Variants in IMMP2L observed in about 807,000 individuals in gnomAD.
The protein encoded by IMMP2L is inner mitochondrial membrane peptidase subunit 2.
A neutral mutation model predicts 19.3 loss-of-function variants in IMMP2L; 18 were observed. That is an observed-to-expected ratio of 0.93 (90% CI 0.64 to 1.38). The LOEUF (loss-of-function observed/expected upper bound fraction) is 1.38. Among genes scored for constraint, IMMP2L ranks in the 40% most tolerant of loss-of-function variants. The pLI, the probability that IMMP2L is intolerant of heterozygous loss-of-function variation, is 0.00. For missense variants in IMMP2L, 233 were observed against 218.2 expected, an observed-to-expected ratio of 1.07 and a Z score of -0.43; for synonymous variants, 76 against 73.0, an observed-to-expected ratio of 1.04 and a Z score of -0.21.
Position 111,521,354 on chromosome 7 carries a change from G to A in IMMP2L, c.94C>T (p.Arg32Trp), listed in dbSNP as rs200230478. 1.4e-5 allele frequency: 22 copies of A among 1,613,134 alleles called. No homozygotes were observed. Among genetic ancestry groups the A allele is most frequent in the Admixed American group, 5.0e-5 (3 of 59,920 alleles). ...TCTACTCTTGCCACACAGGCGACCC[G>A]ATCCAAGAAAGTCACTGCCACAGGC... Reference protein sequence around the residue: ...AVPVAVTFLDRVACVARVEGA... With the variant: ...AVPVAVTFLDWVACVARVEGA... Residue 32 changes from arginine to tryptophan, a missense_variant, in exon 2 of 6, where the codon CGG (arginine) becomes TGG (tryptophan). Physicochemically the swap from Arg to Trp is moderately radical, Grantham distance 101. Coordinates refer to ENST00000405709, the MANE Select transcript of IMMP2L (RefSeq NM_032549.4).
chr7:111,313,438 A>G (rs116107520), intron 3 of IMMP2L, among the ~76,000 whole-genome samples: 1,620 of 152,246 alleles, frequency 0.011, 30 homozygotes, highest in African/African-American at 0.036. Flanking sequence ...AAACCAAACA[A>G]TAATGGAAAA....
At chr7:110,784,264 TCTGC>T (rs1799927833) in intron 5 of IMMP2L, among the ~76,000 whole-genome samples, 1 of 151,940 alleles carries the variant, frequency 6.6e-6, no homozygotes, top group Non-Finnish European at 1.5e-5. Flanking sequence ...AATGCATCTG[TCTGC>T]ATGGTCTCAA....
chr7:110,719,127 G>A (rs976068579), intron 5 of IMMP2L, among the ~76,000 whole-genome samples: 2 of 152,156 alleles, frequency 1.3e-5, no homozygotes, highest in African/African-American at 4.8e-5. Context: ...AAGTTAAGGT[G>A]AGAGATTCAA....
intron 3 of IMMP2L, among the ~76,000 whole-genome samples, chr7:110,989,869 T>C (rs1052096902): frequency 3.3e-5 from 5 of 151,954 alleles, no homozygotes; most frequent in South Asian, 2.1e-4. Flanking sequence ...CCTACTTTTA[T>C]TGGAATATAT....
At chr7:111,031,381 G>GTT (rs1554496353) in intron 3 of IMMP2L, among the ~76,000 whole-genome samples, 1 of 72,592 alleles carries the variant, frequency 1.4e-5, no homozygotes, top group Non-Finnish European at 2.9e-5. Context: ...GGGGTGTAGG[G>GTT]GTGTGTGTGT....
chr7:111,436,969 C>T (rs891100044), intron 3 of IMMP2L, among the ~76,000 whole-genome samples: 1 of 151,832 alleles, frequency 6.6e-6, no homozygotes, highest in South Asian at 2.1e-4. Context: ...AGAACTCACT[C>T]ATTATCATGA....
At chr7:111,164,208 G>A (rs1455047451) in intron 3 of IMMP2L, among the ~76,000 whole-genome samples, 1 of 151,910 alleles carries the variant, frequency 6.6e-6, no homozygotes, top group Non-Finnish European at 1.5e-5. Flanking sequence ...AGGCAGGCAA[G>A]AAGACAGGCC....
chr7:111,470,188 C>T (rs547627687), intron 3 of IMMP2L, among the ~76,000 whole-genome samples: 4 of 152,260 alleles, frequency 2.6e-5, no homozygotes, highest in Admixed American at 2.0e-4. Flanking sequence ...CCATCTCACA[C>T]CAGTTAAAAT....
chr7:111,140,793 G>A (rs1303794184), intron 3 of IMMP2L, among the ~76,000 whole-genome samples: 5 of 152,128 alleles, frequency 3.3e-5, no homozygotes, highest in African/African-American at 4.8e-5. Flanking sequence ...AAGACTGTTC[G>A]GCCATTTAAG....
At chr7:110,987,257 T>C (rs1240597685) in intron 3 of IMMP2L, among the ~76,000 whole-genome samples, 2 of 152,184 alleles carry the variant, frequency 1.3e-5, no homozygotes, top group African/African-American at 4.8e-5. Context: ...TTCTCACAAA[T>C]GCAAGTGTTC....
chr7:111,082,735 T>A (rs2129576623), intron 3 of IMMP2L, among the ~76,000 whole-genome samples: 1 of 152,042 alleles, frequency 6.6e-6, no homozygotes, highest in African/African-American at 2.4e-5. Context: ...ATTGCATTTC[T>A]AATCAAATGT....
At chr7:111,404,206 T>C (rs187287150) in intron 3 of IMMP2L, among the ~76,000 whole-genome samples, 2 of 152,110 alleles carry the variant, frequency 1.3e-5, no homozygotes, top group Non-Finnish European at 2.9e-5. Flanking sequence ...ATAACTAGCA[T>C]ACAAAGAATT....
chr7:111,032,593 G>A (rs1170537605), intron 3 of IMMP2L, among the ~76,000 whole-genome samples: 1 of 152,112 alleles, frequency 6.6e-6, no homozygotes, highest in Non-Finnish European at 1.5e-5. Context: ...TGGTCAAGGT[G>A]GGCAGATCAC....
intron 3 of IMMP2L, among the ~76,000 whole-genome samples, chr7:111,395,657 T>C (rs190582216): frequency 2.0e-5 from 3 of 152,306 alleles, no homozygotes; most frequent in Non-Finnish European, 2.9e-5. Flanking sequence ...AGTAAGTTAA[T>C]TGAAAGCATA....
chr7:111,283,158 A>C (rs141730841), intron 3 of IMMP2L, among the ~76,000 whole-genome samples: 40 of 152,352 alleles, frequency 2.6e-4, no homozygotes, highest in African/African-American at 8.2e-4. Flanking sequence ...CATCAATAAC[A>C]GGAAAAATGT....
intron 4 of IMMP2L, among the ~76,000 whole-genome samples, chr7:110,915,619 C>T (rs745456436): frequency 6.6e-6 from 1 of 152,146 alleles, no homozygotes; most frequent in Non-Finnish European, 1.5e-5. Flanking sequence ...AGTGTACTCA[C>T]TGAGGACCAT....
At chr7:110,669,705 C>T (rs139696075) in intron 5 of IMMP2L, among the ~76,000 whole-genome samples, 11 of 152,208 alleles carry the variant, frequency 7.2e-5, no homozygotes, top group East Asian at 1.9e-4. Flanking sequence ...ATTTCGTAGC[C>T]GAGGTAGTGT....
chr7:111,357,552 T>C (rs1828840476), intron 3 of IMMP2L, among the ~76,000 whole-genome samples: 1 of 152,130 alleles, frequency 6.6e-6, no homozygotes, highest in Non-Finnish European at 1.5e-5. Flanking sequence ...TGGTCTGTCC[T>C]TTTACAACTT....
chr7:110,677,316 C>G (rs78924749), intron 5 of IMMP2L, among the ~76,000 whole-genome samples: 4,273 of 152,160 alleles, frequency 0.028, 70 homozygotes, highest in Middle Eastern at 0.068. Flanking sequence ...TAAAAATTAT[C>G]AAAAAGATAT....
Sources: allele counts gnomAD v4.1 joint callset (sites outside exome capture counted in the v4.1 genomes callset), GRCh38; gene constraint gnomAD v4.1.1; transcripts MANE v1.5; gene names NCBI Gene and HGNC (gene_info 2026-07-23, HGNC 2026-07-21).